PRKG1: variants seen among roughly 807,000 people sequenced by gnomAD.
PRKG1 encodes cGMP-dependent protein kinase 1.
PRKG1 carries 35 observed loss-of-function variants against 88.1 expected under a neutral mutation model. The observed-to-expected ratio is 0.40, with a 90% CI of 0.30 to 0.53. The LOEUF is 0.53. Among genes scored for constraint, PRKG1 ranks in the 20% least tolerant of loss-of-function variants. The probability of loss-of-function intolerance (pLI) is 0.59; values close to 1 mark genes in which losing one functional copy is unlikely to be tolerated. For missense variants in PRKG1, 540 were observed against 839.8 expected, an observed-to-expected ratio of 0.64 and a Z score of 4.41; for synonymous variants, 303 against 292.5, an observed-to-expected ratio of 1.04 and a Z score of -0.37.
intron 2 of PRKG1, among the ~76,000 whole-genome samples, chr10:51,343,772 A>G (rs1189152402): frequency 6.6e-6 from 1 of 152,138 alleles, no homozygotes; most frequent in East Asian, 1.9e-4. Context: ...GTAAAGCAGG[A>G]TTGTGCCTTT....
intron 9 of PRKG1, among the ~76,000 whole-genome samples, chr10:52,196,206 C>T (rs766400975): frequency 1.3e-5 from 2 of 151,872 alleles, no homozygotes; most frequent in Non-Finnish European, 2.9e-5. Flanking sequence ...TTAGTAGAGA[C>T]GGGGTTTCAC....
intron 1 of PRKG1, among the ~76,000 whole-genome samples, chr10:51,065,769 A>T (rs150660548): frequency 1.3e-5 from 2 of 152,288 alleles, no homozygotes; most frequent in Non-Finnish European, 2.9e-5. Flanking sequence ...GGTGTTGATG[A>T]ACAAAATAGA....
At chr10:51,591,105 C>T (rs951610349) in intron 3 of PRKG1, among the ~76,000 whole-genome samples, 2 of 151,986 alleles carry the variant, frequency 1.3e-5, no homozygotes, top group East Asian at 1.9e-4. Flanking sequence ...TGCCTGAACT[C>T]GGATTGAAGA....
chr10:51,330,568 A>T (rs1008680042), intron 2 of PRKG1, among the ~76,000 whole-genome samples: 1 of 152,046 alleles, frequency 6.6e-6, no homozygotes, highest in Non-Finnish European at 1.5e-5. Flanking sequence ...TTCTGACTGT[A>T]TGTTTTCAGT....
intron 4 of PRKG1, among the ~76,000 whole-genome samples, chr10:51,873,007 T>C (rs1841199697): frequency 6.6e-6 from 1 of 152,174 alleles, no homozygotes; most frequent in Admixed American, 6.5e-5. Flanking sequence ...TATATAGTTA[T>C]ATCTGCACCA....
chr10:51,487,798 T>C lies in PRKG1; in HGVS notation c.592+19962T>C, dbSNP rs576282796. On this transcript the variant is annotated intron_variant, in intron 3 of 17. Coordinates refer to ENST00000373980, the MANE Select transcript of PRKG1 (RefSeq NM_006258.4). ...TATCTGCCAGATAAAAGTACTGCAA[T>C]TGGAAACACATCAGAAATCACTTTA... 7.2e-5 allele frequency among the ~76,000 whole-genome samples: 11 copies of C among 152,294 alleles called. No individual in the cohort carries two copies. In the South Asian group the frequency reaches 2.1e-3, roughly 29 times the overall value.
intron 5 of PRKG1, among the ~76,000 whole-genome samples, chr10:52,007,504 A>G (rs1844768188): frequency 6.6e-6 from 1 of 152,222 alleles, no homozygotes; most frequent in African/African-American, 2.4e-5. Flanking sequence ...TAGACTTTAA[A>G]CCAACAAAGA....
intron 7 of PRKG1, among the ~76,000 whole-genome samples, chr10:52,071,337 A>G (rs192639744): frequency 6.6e-5 from 10 of 152,202 alleles, no homozygotes; most frequent in Admixed American, 1.3e-4. Context: ...TATTGTTCCC[A>G]TGATGGTGTT....
At chr10:52,261,571 AGTGCTGTGCCTCT>A (rs1416171922) in intron 10 of PRKG1, among the ~76,000 whole-genome samples, 3 of 152,052 alleles carry the variant, frequency 2.0e-5, no homozygotes, top group African/African-American at 7.2e-5. Context: ...CCACTACAGC[AGTGCTGTGCCTCT>A]GTGCCTCATT....
In PRKG1 at chr10:52,067,927, G is replaced by A. The variant is rs550362579; in HGVS notation, c.935+5296G>A. ...TGCTTCAAGATCCCTACTTGAGGCC[G>A]GGCGCAGTGGCTCACGCCTGTAATC... On this transcript the variant is annotated intron_variant, in intron 7 of 17. Coordinates refer to ENST00000373980, the MANE Select transcript of PRKG1 (RefSeq NM_006258.4). Among the ~76,000 whole-genome samples, 42 of 104,992 alleles carry A rather than the reference G, an allele frequency of 4.0e-4. 4 individuals are homozygous for A. Among genetic ancestry groups the A allele is most frequent in the Admixed American group, 3.6e-3 (35 of 9,796 alleles). The allele number at this position is 104,992 out of a possible 152,430, so 68.9% of individuals were successfully genotyped here.
chr10:51,476,005 C>G (rs193301173), intron 3 of PRKG1, among the ~76,000 whole-genome samples: 1 of 152,166 alleles, frequency 6.6e-6, no homozygotes. Flanking sequence ...ACATTTCTCA[C>G]TAATGTATTA....
chr10:51,908,734 A>ATATATATATTTTTT lies in PRKG1; in HGVS notation c.762+1165_762+1166insATATATATTTTTTT, dbSNP rs563212069. On this transcript the variant is annotated intron_variant, in intron 5 of 17. Transcript: ENST00000373980. ...CTCTCTGTCTATCTATCTATATGTA[A>ATATATATATTTTTT]TTTTTTTTTTTTTGAGACAGTGTCT... The ATATATATATTTTTT allele has an allele frequency of 2.0e-3, 105 of 52,188 alleles. 3 individuals are homozygous for ATATATATATTTTTT. Among genetic ancestry groups the ATATATATATTTTTT allele is most frequent in the African/African-American group, 2.1e-3 (37 of 17,368 alleles). 3.2% of individuals were successfully genotyped at this position (52,188 alleles called of 1,614,324 possible). A position where few individuals can be genotyped will look rare whatever the true frequency, so the allele number is the denominator to read the frequency against.
At chr10:51,117,305 A>G (rs4935223) in intron 1 of PRKG1, among the ~76,000 whole-genome samples, 2 of 152,058 alleles carry the variant, frequency 1.3e-5, no homozygotes, top group African/African-American at 4.8e-5. Flanking sequence ...CCTTATTGGG[A>G]AAGTCCATAA....
intron 3 of PRKG1, among the ~76,000 whole-genome samples, chr10:51,517,675 A>G (rs959271349): frequency 6.6e-6 from 1 of 152,134 alleles, no homozygotes; most frequent in Non-Finnish European, 1.5e-5. Flanking sequence ...TATTTCTATA[A>G]TTTATTTTTT....
At chr10:51,872,543 C>A (rs914473896) in intron 4 of PRKG1, among the ~76,000 whole-genome samples, 1 of 152,126 alleles carries the variant, frequency 6.6e-6, no homozygotes, top group Non-Finnish European at 1.5e-5. Flanking sequence ...AAATTAACTA[C>A]AAGACTTATA....
chr10:52,133,337 C>T (rs1316186369), intron 7 of PRKG1, among the ~76,000 whole-genome samples: 1 of 152,032 alleles, frequency 6.6e-6, no homozygotes, highest in Non-Finnish European at 1.5e-5. Flanking sequence ...AGATGAATGA[C>T]TATGTGCCAT....
chr10:51,378,250 T>C (rs1220085281), intron 2 of PRKG1, among the ~76,000 whole-genome samples: 1 of 152,222 alleles, frequency 6.6e-6, no homozygotes. Context: ...GGGGAATCCA[T>C]ACCAGGAGCA....
chr10:51,061,207 A>G (rs994083004), intron 1 of PRKG1, among the ~76,000 whole-genome samples: 1 of 152,166 alleles, frequency 6.6e-6, no homozygotes, highest in Non-Finnish European at 1.5e-5. Flanking sequence ...GTCATGGTGG[A>G]AGACGAAGGA....
intron 3 of PRKG1, among the ~76,000 whole-genome samples, chr10:51,664,773 C>T (rs1194861153): frequency 6.6e-6 from 1 of 152,148 alleles, no homozygotes; most frequent in Non-Finnish European, 1.5e-5. Flanking sequence ...TTAAAACTTC[C>T]TGAACATCAA....
Sources: allele counts gnomAD v4.1 joint callset (sites outside exome capture counted in the v4.1 genomes callset), GRCh38; gene constraint gnomAD v4.1.1; transcripts MANE v1.5; gene names NCBI Gene and HGNC (gene_info 2026-07-23, HGNC 2026-07-21).